The following NCOA2 variants were observed in gnomAD, a reference collection of about 807,000 sequenced individuals.
The protein encoded by NCOA2 is nuclear receptor coactivator 2.
A neutral mutation model predicts 145.1 loss-of-function variants in NCOA2; 21 were observed. The observed-to-expected ratio is 0.14, with a 90% confidence interval of 0.10 to 0.21. The LOEUF (loss-of-function observed/expected upper bound fraction) is 0.21. Among genes scored for constraint, NCOA2 ranks in the 10% least tolerant of loss-of-function variants. The probability of loss-of-function intolerance (pLI) is 1.00; values close to 1 mark genes in which losing one functional copy is unlikely to be tolerated. For missense variants in NCOA2, 1,472 were observed against 1,837.6 expected (o/e 0.80, Z 3.64); for synonymous variants, 619 against 637.5 (o/e 0.97, Z 0.44).
chr8:70,135,724 T>C (rs1335460919), intron 15 of NCOA2, among the ~76,000 whole-genome samples: 1 of 152,014 alleles, frequency 6.6e-6, no homozygotes, highest in Non-Finnish European at 1.5e-5. Context: ...AAATATAATA[T>C]TAAGACGAGA....
intron 2 of NCOA2, among the ~76,000 whole-genome samples, chr8:70,279,698 C>T (rs1412993663): frequency 6.6e-6 from 1 of 152,200 alleles, no homozygotes; most frequent in Non-Finnish European, 1.5e-5. Context: ...GCAGGTAATC[C>T]AACATGGACC....
At chr8:70,381,598 A>T (rs1336153136) in intron 1 of NCOA2, among the ~76,000 whole-genome samples, 1 of 152,244 alleles carries the variant, frequency 6.6e-6, no homozygotes, top group Non-Finnish European at 1.5e-5. Context: ...TGTTGTAGTG[A>T]CACCATATAA....
chr8:70,304,576 C>G (rs71523179), intron 1 of NCOA2, among the ~76,000 whole-genome samples: 1 of 152,026 alleles, frequency 6.6e-6, no homozygotes, highest in Non-Finnish European at 1.5e-5. Flanking sequence ...AAGCAATTCT[C>G]TGCTTCAGCC....
At chr8:70,404,649 G>A (rs1814686099), upstream of NCOA2, among the ~76,000 whole-genome samples, 1 of 152,250 alleles carries the variant, frequency 6.6e-6, no homozygotes, top group Admixed American at 6.5e-5. Context: ...TAAAGCAAAT[G>A]CTGCACACAG....
At chr8:70,401,073 C>A (rs1004112211) in intron 1 of NCOA2, among the ~76,000 whole-genome samples, 1 of 152,070 alleles carries the variant, frequency 6.6e-6, no homozygotes, top group Non-Finnish European at 1.5e-5. Context: ...CCTAACCTCA[C>A]CAACAAAGAA....
At chr8:70,403,627 T>A (rs985288753) in intron 1 of NCOA2, 73 bp downstream of exon 1, 1 of 335,512 alleles carries the variant, frequency 3.0e-6, no homozygotes, top group Non-Finnish European at 5.3e-6. Context: ...CGGCCGGGGG[T>A]GGGGACGCGG....
In NCOA2 at chr8:70,263,123, CATT is replaced by C. The variant is rs561865782; in HGVS notation, c.-20+33618_-20+33620del. Among the ~76,000 whole-genome samples, 3 of 148,984 alleles carry C rather than the reference CATT, an allele frequency of 2.0e-5. No individual in the cohort carries two copies. In the South Asian group the frequency reaches 6.6e-4, roughly 33 times the overall value. On this transcript the variant is annotated intron_variant, in intron 2 of 22. Coordinates refer to ENST00000452400, the MANE Select transcript of NCOA2 (RefSeq NM_006540.4). ...CATCAATACTCTTGTGCCTTGGGGC[CATT>C]ATTAAGTCAAATAAGGGTCACTGGA...
At chr8:70,185,483 G>C (rs6998609) in intron 4 of NCOA2, among the ~76,000 whole-genome samples, 96,008 of 151,974 alleles carry the variant, frequency 0.63, 32,530 homozygotes, top group Non-Finnish European at 0.76. Context: ...AGGGAGAATG[G>C]GGCTGAGAGG....
At chr8:70,321,135 A>G (rs1038709888) in intron 1 of NCOA2, among the ~76,000 whole-genome samples, 8 of 152,164 alleles carry the variant, frequency 5.3e-5, no homozygotes, top group African/African-American at 1.2e-4. Context: ...GAAAGCCTCA[A>G]TGGGTTTTCT....
intron 1 of NCOA2, among the ~76,000 whole-genome samples, chr8:70,345,811 A>T (rs905917396): frequency 6.6e-6 from 1 of 152,206 alleles, no homozygotes; most frequent in Non-Finnish European, 1.5e-5. Flanking sequence ...AACATGATTT[A>T]AGTTCAGGCG....
At chr8:70,121,547 A>C (rs1353281946) in intron 21 of NCOA2, among the ~76,000 whole-genome samples, 156 bp from the exon 22 acceptor site, 1 of 152,222 alleles carries the variant, frequency 6.6e-6, no homozygotes, top group East Asian at 1.9e-4. Context: ...AAGCTCTCCC[A>C]TGTACGTATT....
chr8:70,411,039 G>A, the NCOA2 span, among the ~76,000 whole-genome samples: 2 of 152,132 alleles, frequency 1.3e-5, no homozygotes, highest in Non-Finnish European at 2.9e-5. Context: ...CTTAGGATTT[G>A]TGTATTTTGC....
chr8:70,141,176 C>T lies in NCOA2; in HGVS notation c.3028+8G>A. The T allele has an allele frequency of 6.2e-7, 1 of 1,612,518 alleles. No individual in the cohort carries two copies. Among genetic ancestry groups the T allele is most frequent in the Non-Finnish European group, 8.5e-7 (1 of 1,179,266 alleles). ...AGTTAAAAGCAAACAGCACTAGAGC[C>T]ACCTTACCTATATTCATGACCTGAG... is the stretch of plus-strand genomic sequence containing the variant. On this transcript the variant is annotated splice_region_variant and intron_variant, in intron 14 of 22. Transcript: ENST00000452400.
intron 1 of NCOA2, among the ~76,000 whole-genome samples, chr8:70,355,834 G>A (rs1382371637): frequency 6.6e-6 from 1 of 152,160 alleles, no homozygotes; most frequent in East Asian, 1.9e-4. Flanking sequence ...ATGCTGAACA[G>A]CTAAAGACAG....
intron 2 of NCOA2, among the ~76,000 whole-genome samples, chr8:70,235,606 G>C (rs1228243454): frequency 1.3e-5 from 2 of 152,158 alleles, no homozygotes; most frequent in Non-Finnish European, 2.9e-5. Flanking sequence ...AACTTTAGGA[G>C]GCCAAGGCAG....
At chr8:70,420,263 C>A in the NCOA2 span, among the ~76,000 whole-genome samples, 1 of 152,170 alleles carries the variant, frequency 6.6e-6, no homozygotes, top group African/African-American at 2.4e-5. Context: ...TTTACTTTCC[C>A]AACTGGACTT....
intron 2 of NCOA2, among the ~76,000 whole-genome samples, chr8:70,252,417 AAAAATAAAAC>A (rs1383761503): frequency 5.3e-5 from 8 of 152,162 alleles, no homozygotes; most frequent in African/African-American, 1.7e-4. Context: ...TCTATTTTTA[AAAAATAAAAC>A]AAAATAAAAC....
At chr8:70,365,831 G>A (rs1039631218) in intron 1 of NCOA2, among the ~76,000 whole-genome samples, 3 of 152,140 alleles carry the variant, frequency 2.0e-5, no homozygotes, top group African/African-American at 7.2e-5. Context: ...ATATGACAAT[G>A]AAAGAAGAGG....
At chr8:70,347,118 C>T (rs1422038846) in intron 1 of NCOA2, among the ~76,000 whole-genome samples, 1 of 152,130 alleles carries the variant, frequency 6.6e-6, no homozygotes, top group African/African-American at 2.4e-5. Context: ...AATTTATCCA[C>T]GTTGAATTTA....
Sources: allele counts gnomAD v4.1 joint callset (sites outside exome capture counted in the v4.1 genomes callset), GRCh38; gene constraint gnomAD v4.1.1; transcripts MANE v1.5; gene names NCBI Gene and HGNC (gene_info 2026-07-23, HGNC 2026-07-21).